The following BTG3 variants were observed in gnomAD, a reference collection of about 807,000 sequenced individuals.
The protein encoded by BTG3 is BTG anti-proliferation factor 3.
BTG3 carries 4 observed loss-of-function variants against 25.8 expected under a neutral mutation model. The observed-to-expected ratio is 0.16, with a 90% CI of 0.08 to 0.36. The LOEUF is 0.36. Ranked by LOEUF, BTG3 falls within the 10% of genes least tolerant of loss-of-function variation. BTG3 has a pLI of 1.00. For missense variants in BTG3, 201 were observed against 304.9 expected (o/e 0.66, Z 2.54); for synonymous variants, 107 against 99.9 (o/e 1.07, Z -0.42).
intron 1 of BTG3, among the ~76,000 whole-genome samples, chr21:17,611,505 C>G (rs1475315369): frequency 6.6e-6 from 1 of 152,070 alleles, no homozygotes; most frequent in Non-Finnish European, 1.5e-5. Flanking sequence ...AATGATAGCT[C>G]GAACAGCTGA....
At chr21:17,597,884 C>CACA in intron 4 of BTG3, among the ~76,000 whole-genome samples, 1 of 152,110 alleles carries the variant, frequency 6.6e-6, no homozygotes, top group African/African-American at 2.4e-5. Context: ...TCAACCTTAC[C>CACA]ACAAACCTGG....
chr21:17,600,908 A>C (rs2061564235), intron 3 of BTG3, among the ~76,000 whole-genome samples: 1 of 152,198 alleles, frequency 6.6e-6, no homozygotes, highest in Admixed American at 6.5e-5. Context: ...TCATGCCTGT[A>C]ATCCCAGCAC....
intron 3 of BTG3, among the ~76,000 whole-genome samples, chr21:17,601,115 A>G (rs867793530): frequency 9.2e-5 from 14 of 151,874 alleles, no homozygotes; most frequent in African/African-American, 3.1e-4. Flanking sequence ...GTGAGCTGAG[A>G]TCGCACCACT....
At chr21:17,596,397 T>C (rs1272998573) in intron 4 of BTG3, among the ~76,000 whole-genome samples, 1 of 152,062 alleles carries the variant, frequency 6.6e-6, no homozygotes, top group Non-Finnish European at 1.5e-5. Flanking sequence ...CTATGTTTTC[T>C]TCTAAAAGCG....
chr21:17,606,201 A>G (rs141801150), intron 2 of BTG3, among the ~76,000 whole-genome samples: 105 of 152,240 alleles, frequency 6.9e-4, no homozygotes, highest in African/African-American at 2.1e-3. Context: ...TGTGAGTTAG[A>G]TACTTTTTTC....
At chr21:17,610,753 T>C (rs1393193206) in intron 1 of BTG3, among the ~76,000 whole-genome samples, 1 of 152,252 alleles carries the variant, frequency 6.6e-6, no homozygotes, top group Non-Finnish European at 1.5e-5. Flanking sequence ...GCCTCTGCTA[T>C]GTTTAGCATA....
At chr21:17,609,962 G>A (rs1217540309) in intron 1 of BTG3, among the ~76,000 whole-genome samples, 1 of 152,136 alleles carries the variant, frequency 6.6e-6, no homozygotes, top group Admixed American at 6.5e-5. Context: ...AAATACTGTG[G>A]TATATACATG....
chr21:17,608,480 A>G (rs1221919960), intron 2 of BTG3, among the ~76,000 whole-genome samples: 1 of 152,084 alleles, frequency 6.6e-6, no homozygotes, highest in Non-Finnish European at 1.5e-5. Context: ...GACTTCTACC[A>G]CAAATATATA....
chr21:17,596,180 C>T (rs138746544), intron 4 of BTG3, among the ~76,000 whole-genome samples: 1 of 151,992 alleles, frequency 6.6e-6, no homozygotes, highest in African/African-American at 2.4e-5. Flanking sequence ...AAAGTATATT[C>T]TGGAAATAAG....
chr21:17,598,877 A>G, intron 3 of BTG3, 53 bp from the exon 4 acceptor site: 1 of 1,435,480 alleles, frequency 7.0e-7, no homozygotes, highest in Non-Finnish European at 9.5e-7. Context: ...AGCAAAGCAA[A>G]AAATGTCCAT....
intron 1 of BTG3, among the ~76,000 whole-genome samples, chr21:17,609,726 GCAGTATT>G (rs2061693225): frequency 6.6e-6 from 1 of 152,170 alleles, no homozygotes; most frequent in African/African-American, 2.4e-5. Flanking sequence ...AATGCCCATA[GCAGTATT>G]CATAATAGCT....
At chr21:17,599,572 G>A (rs2061546809) in intron 3 of BTG3, among the ~76,000 whole-genome samples, 1 of 149,836 alleles carries the variant, frequency 6.7e-6, no homozygotes, top group Non-Finnish European at 1.5e-5. Context: ...CCACCTCCCA[G>A]GTGTTCAAGT....
chr21:17,606,026 G>C (rs1440435282), intron 2 of BTG3, among the ~76,000 whole-genome samples: 3 of 152,132 alleles, frequency 2.0e-5, no homozygotes, highest in Non-Finnish European at 4.4e-5. Flanking sequence ...TTATTAGTTG[G>C]TTTTAATTTC....
chr21:17,596,724 T>C (rs1402499505), intron 4 of BTG3, among the ~76,000 whole-genome samples: 1 of 152,094 alleles, frequency 6.6e-6, no homozygotes, highest in Non-Finnish European at 1.5e-5. Context: ...GCCCTCCAAC[T>C]GATCCTCCTT....
chr21:17,595,148 T>C (rs928265682), intron 4 of BTG3, among the ~76,000 whole-genome samples: 7 of 152,068 alleles, frequency 4.6e-5, no homozygotes, highest in Middle Eastern at 3.2e-3. Flanking sequence ...TTGGGAATAA[T>C]AGTTTTAGAT....
At chr21:17,607,445 T>C (rs989980787) in intron 2 of BTG3, among the ~76,000 whole-genome samples, 1 of 152,222 alleles carries the variant, frequency 6.6e-6, no homozygotes, top group Non-Finnish European at 1.5e-5. Context: ...GAGCCTGTGT[T>C]AGCGTGCACA....
chr21:17,598,194 A>C (rs2123435240), intron 4 of BTG3, among the ~76,000 whole-genome samples: 1 of 152,262 alleles, frequency 6.6e-6, no homozygotes, highest in Admixed American at 6.5e-5. Context: ...AGCTTGAGTA[A>C]AATATTAATT....
At chr21:17,608,689 T>C in intron 2 of BTG3, 1 of 324,900 alleles carries the variant, frequency 3.1e-6, no homozygotes, top group Non-Finnish European at 5.5e-6. Context: ...TAAGTATTTG[T>C]GATAAACAGA....
At position 17,594,212 on chromosome 21, in the gene BTG3, G is replaced by T. The variant is rs759285577; in HGVS notation, c.640C>A (p.Pro214Thr). 2 of 1,613,166 alleles carry T rather than the reference G, an allele frequency of 1.2e-6. No individual in the cohort carries two copies. The highest frequency in any genetic ancestry group is 1.3e-5 in the African/African-American group (1 of 74,842). The part of the protein sequence containing the change: ...HYPPPVPFGY[P>T]NQGRKNKPYR... ...GGTTTATTTTTTCTTCCCTGATTTG[G>T]ATAACCAAATGGAACAGGAGGAGGA... The change falls in exon 5 of 5, where the codon CCA becomes ACA. Residue 214 changes from proline to threonine, a missense_variant. By Grantham distance (38) the Pro-to-Thr change is conservative. This residue lies in a region of BTG3 where 131 missense variants were observed against 129.3 expected (regional missense o/e 1.01). Transcript: ENST00000348354.
Sources: allele counts gnomAD v4.1 joint callset (sites outside exome capture counted in the v4.1 genomes callset), GRCh38; gene constraint gnomAD v4.1.1; regional missense constraint gnomAD v4.1.1; transcripts MANE v1.5; gene names NCBI Gene and HGNC (gene_info 2026-07-23, HGNC 2026-07-21).